FUT9: variants seen among roughly 807,000 people sequenced by gnomAD.
The protein encoded by FUT9 is 4-galactosyl-N-acetylglucosaminide 3-alpha-L-fucosyltransferase 9.
A neutral mutation model predicts 29.7 loss-of-function variants in FUT9; 15 were observed. The ratio of observed to expected loss-of-function variants is 0.51; its 90% CI spans 0.34 to 0.78. The LOEUF is 0.78. Among genes scored for constraint, FUT9 ranks in the 30% least tolerant of loss-of-function variants. The pLI is 0.01. For missense variants in FUT9, 319 were observed against 425.4 expected (o/e 0.75, Z 2.20); for synonymous variants, 169 against 153.7 (o/e 1.10, Z -0.74).
chr6:96,168,248 C>G (rs7740048), intron 2 of FUT9, among the ~76,000 whole-genome samples: 138,810 of 152,218 alleles, frequency 0.91, 64,659 homozygotes, highest in Non-Finnish European at 1. Flanking sequence ...CAGGCATCTT[C>G]ATATATGAGT....
At chr6:96,085,871 G>A (rs755584545) in intron 1 of FUT9, among the ~76,000 whole-genome samples, 6 of 152,010 alleles carry the variant, frequency 3.9e-5, no homozygotes, top group Non-Finnish European at 5.9e-5. Context: ...CGTTCCTCTG[G>A]AAATGGATAC....
chr6:96,103,801 T>C (rs1771630622), intron 1 of FUT9, among the ~76,000 whole-genome samples: 1 of 152,228 alleles, frequency 6.6e-6, no homozygotes, highest in African/African-American at 2.4e-5. Context: ...ATGAAAATTG[T>C]ATAAATAAGA....
At chr6:96,093,943 T>G (rs1282102127) in intron 1 of FUT9, among the ~76,000 whole-genome samples, 1 of 152,140 alleles carries the variant, frequency 6.6e-6, no homozygotes, top group East Asian at 1.9e-4. Flanking sequence ...TGAACCCTAA[T>G]TTGGTGCATT....
rs1311743985 is a variant in FUT9 at position 96,207,512 on chromosome 6, G to C, written c.*3277G>C. 1 of 166,972 alleles carries C rather than the reference G, an allele frequency of 6.0e-6. No individual in the cohort carries two copies. Among genetic ancestry groups the C allele is most frequent in the Non-Finnish European group, 1.5e-5 (1 of 68,084 alleles). 10.3% of individuals were successfully genotyped at this position (166,972 alleles called of 1,614,324 possible). The stretch of plus-strand genomic sequence containing the variant: ...TTAAATATTTTAGGAGTTGAGTTCA[G>C]CAGAAGGAAATGGGCTATCACTACA... On this transcript the variant is annotated 3_prime_UTR_variant, in exon 3 of 3. Transcript: ENST00000302103.
chr6:96,141,571 A>G (rs989670660), intron 2 of FUT9, among the ~76,000 whole-genome samples: 1 of 152,224 alleles, frequency 6.6e-6, no homozygotes, highest in African/African-American at 2.4e-5. Context: ...AAGGTGGAGC[A>G]GCATAGCAGT....
chr6:96,096,192 A>T (rs1179561299), intron 1 of FUT9, among the ~76,000 whole-genome samples: 1 of 152,108 alleles, frequency 6.6e-6, no homozygotes, highest in Non-Finnish European at 1.5e-5. Context: ...CCAGTTGCAG[A>T]TGCAAAAAGA....
rs533758308 is a variant in FUT9, at chr6:96,213,793, A to C, written c.*9558A>C. 3 of 167,100 alleles carry C rather than the reference A, an allele frequency of 1.8e-5. No individual in the cohort carries two copies. The highest frequency in any genetic ancestry group is 1.9e-4 in the East Asian group (1 of 5,188). 10.4% of individuals were successfully genotyped at this position (167,100 alleles called of 1,614,324 possible). A position where few individuals can be genotyped will look rare whatever the true frequency, so the allele number is the denominator to read the frequency against. ...GAAAAAAACATGATTATTTTATATC[A>C]AACATCAACTTTTCTTTAAATCTTA... is the stretch of plus-strand genomic sequence containing the variant. On this transcript the variant is annotated 3_prime_UTR_variant, in exon 3 of 3. Coordinates refer to ENST00000302103, the MANE Select transcript of FUT9 (RefSeq NM_006581.4).
chr6:96,151,989 T>C (rs1348187524), intron 2 of FUT9, among the ~76,000 whole-genome samples: 1 of 152,150 alleles, frequency 6.6e-6, no homozygotes, highest in Non-Finnish European at 1.5e-5. Context: ...GATCAGAGGA[T>C]GCATCTATTC....
chr6:96,140,499 A>G (rs1161252315), intron 2 of FUT9, among the ~76,000 whole-genome samples: 1 of 152,200 alleles, frequency 6.6e-6, no homozygotes, highest in African/African-American at 2.4e-5. Flanking sequence ...AATTTACTGT[A>G]TTAGTCCATT....
chr6:96,034,746 T>A (rs1770322208), intron 1 of FUT9, among the ~76,000 whole-genome samples: 1 of 151,778 alleles, frequency 6.6e-6, no homozygotes, highest in South Asian at 2.1e-4. Flanking sequence ...GACCCCAAAC[T>A]TATCCCTGCA....
chr6:96,126,493 A>G (rs1051228188), intron 2 of FUT9, among the ~76,000 whole-genome samples: 3 of 152,214 alleles, frequency 2.0e-5, no homozygotes, highest in Non-Finnish European at 4.4e-5. Flanking sequence ...TTGCTTCCCT[A>G]AAGTTCTTAG....
chr6:96,062,624 A>G (rs1770895708), intron 1 of FUT9, among the ~76,000 whole-genome samples: 1 of 152,144 alleles, frequency 6.6e-6, no homozygotes, highest in Non-Finnish European at 1.5e-5. Flanking sequence ...GAAGGGAGGG[A>G]GGATAGGATG....
intron 2 of FUT9, among the ~76,000 whole-genome samples, chr6:96,196,641 G>A (rs1229969820): frequency 6.6e-6 from 1 of 152,066 alleles, no homozygotes; most frequent in African/African-American, 2.4e-5. Context: ...GAACCCGGAA[G>A]GCAGAGGTTA....
intron 1 of FUT9, among the ~76,000 whole-genome samples, chr6:96,091,191 A>G (rs561858573): frequency 6.6e-6 from 1 of 152,218 alleles, no homozygotes; most frequent in South Asian, 2.1e-4. Flanking sequence ...TTTGACTCTC[A>G]TGCAAATAAA....
intron 1 of FUT9, among the ~76,000 whole-genome samples, chr6:96,033,044 T>G (rs1237330543): frequency 1.3e-5 from 2 of 151,618 alleles, no homozygotes; most frequent in African/African-American, 4.8e-5. Context: ...CAATCCACGC[T>G]ATTAAGAACA....
chr6:96,091,658 G>T (rs1347232228), intron 1 of FUT9, among the ~76,000 whole-genome samples: 1 of 152,048 alleles, frequency 6.6e-6, no homozygotes, highest in East Asian at 1.9e-4. Flanking sequence ...GTTAAGGAGA[G>T]AAACGGACTG....
At chr6:96,175,378 A>T (rs1031980805) in intron 2 of FUT9, among the ~76,000 whole-genome samples, 1 of 152,178 alleles carries the variant, frequency 6.6e-6, no homozygotes, top group African/African-American at 2.4e-5. Flanking sequence ...TTTTATCTCA[A>T]CAAAATACAT....
intron 1 of FUT9, among the ~76,000 whole-genome samples, chr6:96,090,636 A>C (rs923031735): frequency 6.6e-6 from 1 of 151,974 alleles, no homozygotes. Context: ...GAAAAGGAAA[A>C]GCAAAATAAA....
At chr6:96,188,906 T>A (rs369500871) in intron 2 of FUT9, among the ~76,000 whole-genome samples, 310 of 152,118 alleles carry the variant, frequency 2.0e-3, no homozygotes, top group African/African-American at 7.2e-3. Context: ...CACTAGGGAC[T>A]GGAATCTGAG....
Sources: gnomAD v4.1 joint callset for allele counts (sites outside exome capture counted in the v4.1 genomes callset) on GRCh38, gnomAD v4.1.1 for gene constraint, MANE v1.5 for transcripts, NCBI Gene and HGNC (gene_info 2026-07-23, HGNC 2026-07-21) for gene names.